RPS6KL1: variants seen among roughly 807,000 people sequenced by gnomAD.
RPS6KL1 encodes ribosomal protein S6 kinase like 1, also known as ribosomal protein S6 kinase-like 1.
Under a neutral mutation model 57.0 loss-of-function variants are expected in RPS6KL1, and 41 were observed. The ratio of observed to expected loss-of-function variants is 0.72; its 90% CI spans 0.56 to 0.93. The LOEUF (loss-of-function observed/expected upper bound fraction) is 0.93, where lower values mean the gene tolerates loss of function less well. Among genes scored for constraint, RPS6KL1 ranks in the 40% least tolerant of loss-of-function variants. The pLI is 0.00. For synonymous variants in RPS6KL1, 287 were observed against 309.7 expected, an observed-to-expected ratio of 0.93 and a Z score of 0.77; for missense variants, 697 against 727.7, an observed-to-expected ratio of 0.96 and a Z score of 0.49.
chr14:74,921,460 CGT>C lies in RPS6KL1; in HGVS notation c.80_81del (p.His27ArgfsTer16). On this transcript the variant is annotated frameshift_variant, in exon 3 of 12. Coordinates refer to ENST00000557413, the MANE Select transcript of RPS6KL1 (RefSeq NM_031464.5). LOFTEE classifies it high-confidence loss of function. ...CTGTTGCGAATCTGCTCCAGGTACA[CGT>C]GAGCTTGGGACCGTGCTCGTGAGCA... ...EPCSRARSQA[H>X]VYLEQIRNRV... The C allele has an allele frequency of 6.2e-7, 1 of 1,614,138 alleles. No individual in the cohort carries two copies. Among genetic ancestry groups the C allele is most frequent in the African/African-American group, 1.3e-5 (1 of 75,076 alleles).
chr14:74,918,891 C>G (rs1020695871), intron 4 of RPS6KL1, among the ~76,000 whole-genome samples: 10 of 152,242 alleles, frequency 6.6e-5, no homozygotes, highest in African/African-American at 2.4e-4. Context: ...AAAGCCCCAT[C>G]TAGGCCAGGC....
chr14:74,911,138 C>T (rs1594918736), intron 7 of RPS6KL1, 110 bp downstream of exon 7: 1 of 1,086,834 alleles, frequency 9.2e-7, no homozygotes, highest in Non-Finnish European at 1.4e-6. Context: ...TCCCAAAGTG[C>T]TGGGATTACA....
At position 74,907,434 on chromosome 14, in the gene RPS6KL1, C is replaced by G; in HGVS notation, c.1539+1G>C. 1 of 1,572,840 alleles carries G rather than the reference C, an allele frequency of 6.4e-7. No individual in the cohort carries two copies. Among genetic ancestry groups the G allele is most frequent in the Non-Finnish European group, 8.6e-7 (1 of 1,159,548 alleles). ...CTTCCTCTGGCCGGGCTACACCTCA[C>G]CTCAGTCAGCAGAGAGGCCGCTGGG... On this transcript the variant is annotated splice_donor_variant, in intron 11 of 11. Transcript: ENST00000557413. LOFTEE classifies it high-confidence loss of function.
In RPS6KL1 at chr14:74,919,827, TG is replaced by T. The variant is rs60425478; in HGVS notation, c.390+17del. The T allele has an allele frequency of 6.1e-5, 97 of 1,587,160 alleles. No individual in the cohort carries two copies. Among genetic ancestry groups the T allele is most frequent in the East Asian group, 3.6e-4 (16 of 44,576 alleles). On this transcript the variant is annotated intron_variant, in intron 4 of 11. Transcript: ENST00000557413. ...CCCTCCTCCCGCTCAGGCCTTTGGGTGGGGGGGGTCTCCTCACCGCGCTGGG... is the reference window on the plus strand; with the variant it reads ...CCCTCCTCCCGCTCAGGCCTTTGGGTGGGGGGGTCTCCTCACCGCGCTGGG...
chr14:74,913,617 T>C (rs1377359176), intron 5 of RPS6KL1, among the ~76,000 whole-genome samples: 2 of 152,212 alleles, frequency 1.3e-5, no homozygotes, highest in Non-Finnish European at 2.9e-5. Context: ...GTGGAAAGGC[T>C]GTGAGAATGT....
At chr14:74,919,791 T>TC in intron 4 of RPS6KL1, 54 bp downstream of exon 4, 2 of 1,582,798 alleles carry the variant, frequency 1.3e-6, no homozygotes, top group South Asian at 1.1e-5. Context: ...CTCCGCAGTC[T>TC]CCCCTCAGAG....
chr14:74,904,754 A>G lies in RPS6KL1; in HGVS notation c.*2260T>C, dbSNP rs1884499358. Reference sequence around the variant, plus strand: ...TTGGATTTGATAGCCTTGTGGACCAAGATGCTCAAGGTCAATACACATGAA... The same window carrying G: ...TTGGATTTGATAGCCTTGTGGACCAGGATGCTCAAGGTCAATACACATGAA... On this transcript the variant is annotated 3_prime_UTR_variant, in exon 12 of 12. Transcript: ENST00000557413. 1 of 152,218 alleles carries G rather than the reference A, an allele frequency of 6.6e-6. No individual in the cohort carries two copies. 9.4% of individuals were successfully genotyped at this position (152,218 alleles called of 1,614,324 possible).
rs974018884 is a variant in RPS6KL1, at chr14:74,907,430, C to CTCACCTCAGTCAGCAGAGAG, written c.1524_1539+4dup. The CTCACCTCAGTCAGCAGAGAG allele has an allele frequency of 1.9e-6, 3 of 1,570,038 alleles. No homozygotes were observed. In the African/African-American group the frequency reaches 4.1e-5, roughly 21 times the overall value. ...GCTGCTTCCTCTGGCCGGGCTACAC[C>CTCACCTCAGTCAGCAGAGAG]TCACCTCAGTCAGCAGAGAGGCCGC... On this transcript the variant is annotated splice_donor_region_variant and intron_variant, in intron 11 of 11. Transcript: ENST00000557413.
intron 5 of RPS6KL1, among the ~76,000 whole-genome samples, chr14:74,912,904 G>A (rs1886262457): frequency 6.6e-6 from 1 of 152,244 alleles, no homozygotes; most frequent in Non-Finnish European, 1.5e-5. Context: ...TGGTGGGCAG[G>A]GGCGGGCCCC....
At chr14:74,921,862 C>G (rs1051693580) in intron 2 of RPS6KL1, 116 bp downstream of exon 2, 9 of 536,778 alleles carry the variant, frequency 1.7e-5, no homozygotes, top group Admixed American at 4.7e-5. Context: ...ACTGCAACCT[C>G]CACTTCCCAG....
rs764888566 is a variant in RPS6KL1 at position 74,907,142 on chromosome 14, G to A, written c.1540-18C>T. ...TGCAGCAGCTGCAGAGAGAGGCCCA[G>A]TCAGCTGGGCCACTCCAGCTGTGGA... On this transcript the variant is annotated intron_variant, in intron 11 of 11. Coordinates refer to ENST00000557413, the MANE Select transcript of RPS6KL1 (RefSeq NM_031464.5). The A allele has an allele frequency of 6.3e-7, 1 of 1,593,582 alleles. No homozygotes were observed. The highest frequency in any genetic ancestry group is 1.1e-5 in the South Asian group (1 of 88,124).
chr14:74,909,124 A>T lies in RPS6KL1; in HGVS notation c.1337T>A (p.Val446Glu). The T allele has an allele frequency of 6.2e-7, 1 of 1,614,124 alleles. No homozygotes were observed. Among genetic ancestry groups the T allele is most frequent in the Non-Finnish European group, 8.5e-7 (1 of 1,180,018 alleles). The change falls in exon 9 of 12, where the codon GTG becomes GAG. Residue 446 changes from valine (V) to glutamate (E), a missense_variant. Physicochemically the swap from Val to Glu is moderately radical, Grantham distance 121. Transcript: ENST00000557413. Reference protein sequence around the residue: ...EVEPQCCGEAVDNLYSAPEVG... With the variant: ...EVEPQCCGEAEDNLYSAPEVG... ...GCCTGGGGCGCTGTAGAGATTGTCC[A>T]CGGCCTCCCCGCAGCACTGGGGCTC...
chr14:74,916,933 G>A (rs74064108), intron 5 of RPS6KL1, among the ~76,000 whole-genome samples: 11,785 of 152,212 alleles, frequency 0.077, 581 homozygotes, highest in African/African-American at 0.13. Context: ...ATGGTTCAGC[G>A]GGATCGTACC....
At chr14:74,918,432 C>T (rs1887227503) in intron 5 of RPS6KL1, 81 bp downstream of exon 5, 1 of 1,030,248 alleles carries the variant, frequency 9.7e-7, no homozygotes, top group East Asian at 2.8e-5. Context: ...CTGCTTTCAG[C>T]ATATCATGTC....
At position 74,921,480 on chromosome 14, in the gene RPS6KL1, C is replaced by T. The variant is rs7156590; in HGVS notation, c.62G>A (p.Arg21Gln). The change falls in exon 3 of 12, where the codon CGA (arginine) becomes CAA (glutamine). Residue 21 changes from arginine to glutamine, a missense_variant. Transcript: ENST00000557413. Reference protein sequence around the residue: ...SPGLEPEPCSRARSQAHVYLE... With the variant: ...SPGLEPEPCSQARSQAHVYLE... ...GTACACGTGAGCTTGGGACCGTGCT[C>T]GTGAGCAAGGCTCAGGCTCCAGGCC... The T allele has an allele frequency of 0.37, 592,752 of 1,614,054 alleles. 112,137 individuals are homozygous for T. Among genetic ancestry groups the T allele is most frequent in the East Asian group, 0.53 (23,819 of 44,868 alleles).
rs1887521475 is a variant in RPS6KL1 at position 74,919,843 on chromosome 14, A to C, written c.390+2T>G. On this transcript the variant is annotated splice_donor_variant, in intron 4 of 11. Transcript: ENST00000557413. LOFTEE classifies it high-confidence loss of function. Reference sequence around the variant, plus strand: ...GCCTTTGGGTGGGGGGGGTCTCCTCACCGCGCTGGGGCTGGCTCCACTGCT... The same window carrying C: ...GCCTTTGGGTGGGGGGGGTCTCCTCCCCGCGCTGGGGCTGGCTCCACTGCT... 5 of 1,609,558 alleles carry C rather than the reference A, an allele frequency of 3.1e-6. No individual in the cohort carries two copies. The highest frequency in any genetic ancestry group is 2.5e-6 in the Non-Finnish European group (3 of 1,179,034).
chr14:74,904,949 T>TG lies in RPS6KL1; in HGVS notation c.*2064dup. The TG allele has an allele frequency of 6.6e-6, 1 of 152,250 alleles. No individual in the cohort carries two copies. The highest frequency in any genetic ancestry group is 1.9e-4 in the East Asian group (1 of 5,186). 9.4% of individuals were successfully genotyped at this position (152,250 alleles called of 1,614,324 possible). On this transcript the variant is annotated 3_prime_UTR_variant, in exon 12 of 12. Coordinates refer to ENST00000557413, the MANE Select transcript of RPS6KL1 (RefSeq NM_031464.5). ...CTCTTGCAGTGAGGCCATCCCTCTGTGAAGGTCTGTCACAGGAGGGAAGTG... is the reference window on the plus strand; with the variant it reads ...CTCTTGCAGTGAGGCCATCCCTCTGTGGAAGGTCTGTCACAGGAGGGAAGTG...
In RPS6KL1 at chr14:74,909,924, T is replaced by C. The variant is rs765344602; in HGVS notation, c.889A>G (p.Arg297Gly). 2 of 1,614,118 alleles carry C rather than the reference T, an allele frequency of 1.2e-6. No homozygotes were observed. The highest frequency in any genetic ancestry group is 4.5e-5 in the East Asian group (2 of 44,876). The change falls in exon 8 of 12, where the codon AGA becomes GGA. Residue 297 changes from arginine (R) to glycine (G), a missense_variant. By Grantham distance (125) the Arg-to-Gly change is moderately radical. Transcript: ENST00000557413. ...TCACCTTCAGCCTCCCTCTGGGGTC[T>C]GGTGGATGGGGCCTCCCCAGCTAGG... ...LLLAGEAPST[R>G]PQREAEGEPT...
chr14:74,907,156 T>G, intron 11 of RPS6KL1, 32 bp from the exon 12 acceptor site: 1 of 1,559,042 alleles, frequency 6.4e-7, no homozygotes, highest in South Asian at 1.2e-5. Context: ...GCTGGGCCAC[T>G]CCAGCTGTGG....
Sources: allele counts gnomAD v4.1 joint callset (sites outside exome capture counted in the v4.1 genomes callset), GRCh38; gene constraint gnomAD v4.1.1; transcripts MANE v1.5; gene names NCBI Gene and HGNC (gene_info 2026-07-23, HGNC 2026-07-21).